The following NBEAL1 variants were observed in gnomAD, a reference collection of about 807,000 sequenced individuals.
NBEAL1 encodes neurobeachin like 1.
Under a neutral mutation model 351.3 loss-of-function variants are expected in NBEAL1, and 273 were observed. The ratio of observed to expected loss-of-function variants is 0.78; its 90% CI spans 0.70 to 0.86. The LOEUF (loss-of-function observed/expected upper bound fraction) is 0.86, where lower values mean the gene tolerates loss of function less well. Among genes scored for constraint, NBEAL1 ranks in the 40% least tolerant of loss-of-function variants. The pLI, the probability that NBEAL1 is intolerant of heterozygous loss-of-function variation, is 0.00. For synonymous variants in NBEAL1, 1,050 were observed against 1,086.4 expected (o/e 0.97, Z 0.66); for missense variants, 2,961 against 3,201.3 (o/e 0.92, Z 1.81).
intron 50 of NBEAL1, among the ~76,000 whole-genome samples, chr2:203,202,127 TC>T (rs1218541294): frequency 6.6e-6 from 1 of 152,204 alleles, no homozygotes; most frequent in Non-Finnish European, 1.5e-5. Flanking sequence ...GTATTAGTCT[TC>T]AATATAAGAA....
At chr2:203,035,397 C>T (rs1455193986) in intron 2 of NBEAL1, among the ~76,000 whole-genome samples, 1 of 148,934 alleles carries the variant, frequency 6.7e-6, no homozygotes, top group African/African-American at 2.4e-5. Flanking sequence ...CCTGACAGTC[C>T]AAAAAGAAAG....
At chr2:203,213,313 A>AG (rs1431890800) in intron 54 of NBEAL1, among the ~76,000 whole-genome samples, 1 of 152,204 alleles carries the variant, frequency 6.6e-6, no homozygotes, top group African/African-American at 2.4e-5. Context: ...TCAAAAATAG[A>AG]GAAAAAAATC....
intron 51 of NBEAL1, among the ~76,000 whole-genome samples, chr2:203,206,528 G>T (rs1249754454): frequency 4.6e-5 from 7 of 152,150 alleles, no homozygotes; most frequent in African/African-American, 1.7e-4. Context: ...TGATTCTCCT[G>T]CCTCAGCCTG....
intron 3 of NBEAL1, among the ~76,000 whole-genome samples, chr2:203,043,965 A>G (rs1055368653): frequency 3.3e-5 from 5 of 152,162 alleles, no homozygotes; most frequent in Admixed American, 2.6e-4. Flanking sequence ...TGTTGTTGTT[A>G]TGGAAAATAA....
rs1229754042 is a variant in NBEAL1, at chr2:203,220,472, A to G, written c.*3118A>G. Among the ~76,000 whole-genome samples the G allele has an allele frequency of 1.2e-4, 19 of 152,092 alleles. 1 individual carries two copies. Among genetic ancestry groups the G allele is most frequent in the Admixed American group, 1.2e-3 (19 of 15,242 alleles). Reference sequence around the variant, plus strand: ...GCACTCCAGCCTGGGCAACAGGGCAAGACTCCATCTCAAAAAAAAAAAAAG... The same window carrying G: ...GCACTCCAGCCTGGGCAACAGGGCAGGACTCCATCTCAAAAAAAAAAAAAG... On this transcript the variant is annotated 3_prime_UTR_variant, in exon 56 of 56. Coordinates refer to ENST00000683969, the MANE Select transcript of NBEAL1 (RefSeq NM_001378026.1).
chr2:203,138,489 G>T, intron 30 of NBEAL1, 131 bp from the exon 31 acceptor site: 1 of 1,078,326 alleles, frequency 9.3e-7, no homozygotes. Flanking sequence ...TGATTCTTTT[G>T]GCTTTTGTCA....
At chr2:203,093,231 A>G (rs1028414159) in intron 10 of NBEAL1, among the ~76,000 whole-genome samples, 2 of 476 alleles carry the variant, frequency 4.2e-3, no homozygotes, top group Admixed American at 0.036. Context: ...GACTCTGTCT[A>G]AAAAAAAAAA....
chr2:203,163,709 A>G (rs1435800951), intron 36 of NBEAL1, among the ~76,000 whole-genome samples: 1 of 152,180 alleles, frequency 6.6e-6, no homozygotes, highest in Non-Finnish European at 1.5e-5. Context: ...AGGAAACACA[A>G]CTGTATATAT....
intron 51 of NBEAL1, among the ~76,000 whole-genome samples, chr2:203,204,233 C>A (rs1395020534): frequency 6.7e-6 from 1 of 149,356 alleles, no homozygotes; most frequent in Non-Finnish European, 1.5e-5. Context: ...GGCCCCATAC[C>A]CTCTTTTTTT....
intron 34 of NBEAL1, among the ~76,000 whole-genome samples, chr2:203,149,579 A>T (rs1309437766): frequency 3.9e-5 from 6 of 152,250 alleles, no homozygotes; most frequent in African/African-American, 1.4e-4. Context: ...AAATGTACAT[A>T]AAATTTATCC....
chr2:203,057,193 TG>T (rs977322140), intron 5 of NBEAL1, 132 bp from the exon 6 acceptor site: 41 of 619,462 alleles, frequency 6.6e-5, no homozygotes, highest in Non-Finnish European at 7.7e-5. Flanking sequence ...AAAATCTTAG[TG>T]GCTGTATCCA....
Position 203,201,679 on chromosome 2 carries a change from A to G in NBEAL1, c.7375A>G (p.Lys2459Glu), listed in dbSNP as rs2065403441. Residue 2459 changes from lysine (K) to glutamate (E), a missense_variant, in exon 50 of 56, where the codon AAA becomes GAA. By Grantham distance (56) the Lys-to-Glu change is moderately conservative (BLOSUM62 1). Coordinates refer to ENST00000683969, the MANE Select transcript of NBEAL1 (RefSeq NM_001378026.1). ...TAGCATTCAAGTGATGTCACTTACA[A>G]AAGGCAAAATTATCTCACACATCAT... ...DNSIQVMSLTKGKIISHIIRH... is the reference protein window; with the variant it reads ...DNSIQVMSLTEGKIISHIIRH... 1 of 1,608,068 alleles carries G rather than the reference A, an allele frequency of 6.2e-7. No individual in the cohort carries two copies. The highest frequency in any genetic ancestry group is 2.2e-5 in the East Asian group (1 of 44,768).
rs1322174559 is a variant in NBEAL1 at position 203,108,206 on chromosome 2, G to A, written c.1949+18G>A. 1.3e-6 allele frequency: 2 copies of A among 1,503,674 alleles called. No homozygotes were observed. Among genetic ancestry groups the A allele is most frequent in the Non-Finnish European group, 1.8e-6 (2 of 1,112,352 alleles). The allele number at this position is 1,503,674 out of a possible 1,614,324, so 93.1% of individuals were successfully genotyped here. A position where few individuals can be genotyped will look rare whatever the true frequency, so the allele number is the denominator to read the frequency against. On this transcript the variant is annotated intron_variant, in intron 14 of 55. Transcript: ENST00000683969. ...TTGTACAGGTATTGGTAAAAATTAT[G>A]GAATATAAATGAATACTGTCATAAC...
chr2:203,017,870 A>C (rs1947983), intron 2 of NBEAL1, among the ~76,000 whole-genome samples: 64,830 of 151,906 alleles, frequency 0.43, 16,212 homozygotes, highest in Middle Eastern at 0.68. Context: ...TTAATCCTCA[A>C]TAATGAAGGC....
chr2:203,186,893 C>T (rs929725722), intron 44 of NBEAL1, among the ~76,000 whole-genome samples: 10 of 152,162 alleles, frequency 6.6e-5, no homozygotes, highest in African/African-American at 2.4e-4. Flanking sequence ...CTTAAGATTC[C>T]TAGACACTCT....
intron 6 of NBEAL1, among the ~76,000 whole-genome samples, chr2:203,063,784 C>T (rs966335780): frequency 1.3e-5 from 2 of 151,564 alleles, no homozygotes; most frequent in African/African-American, 4.9e-5. Context: ...AATATATGCA[C>T]AAAATAATTA....
intron 6 of NBEAL1, among the ~76,000 whole-genome samples, chr2:203,060,891 C>T (rs529752087): frequency 4.9e-4 from 75 of 152,310 alleles, no homozygotes; most frequent in Non-Finnish European, 2.1e-4. Flanking sequence ...CACTGTGCTT[C>T]CAATCCAGAG....
chr2:203,169,388 T>TAAA (rs1208449990), intron 38 of NBEAL1, among the ~76,000 whole-genome samples: 28 of 89,606 alleles, frequency 3.1e-4, no homozygotes, highest in African/African-American at 7.5e-4. Context: ...TTGAATATAG[T>TAAA]AAAAAAAAAA....
intron 19 of NBEAL1, 71 bp from the exon 20 acceptor site, chr2:203,125,281 A>G (rs2062913039): frequency 2.8e-6 from 3 of 1,089,242 alleles, no homozygotes; most frequent in South Asian, 2.1e-5. Context: ...ATAACTTCAT[A>G]CATGTGAAGA....
Sources: gnomAD v4.1 joint callset for allele counts (sites outside exome capture counted in the v4.1 genomes callset) on GRCh38, gnomAD v4.1.1 for gene constraint, MANE v1.5 for transcripts, NCBI Gene and HGNC (gene_info 2026-07-23, HGNC 2026-07-21) for gene names.